Variants in EEFSEC observed in about 807,000 individuals in gnomAD.
EEFSEC encodes the protein selenocysteine-specific elongation factor.
In EEFSEC, 43 loss-of-function variants were observed where a neutral mutation model predicts 42.1. That is an observed-to-expected ratio of 1.02 (90% CI 0.80 to 1.32). EEFSEC has a LOEUF of 1.32. EEFSEC is among the 40% of genes most tolerant of loss of function. EEFSEC has a pLI of 0.00. For missense variants in EEFSEC, 745 were observed against 803.6 expected, an observed-to-expected ratio of 0.93 and a Z score of 0.88; for synonymous variants, 354 against 339.1, an observed-to-expected ratio of 1.04 and a Z score of -0.48.
chr3:128,189,884 A>T (rs1207116874), intron 1 of EEFSEC, among the ~76,000 whole-genome samples: 2 of 151,314 alleles, frequency 1.3e-5, no homozygotes, highest in African/African-American at 4.9e-5. Context: ...TTTTTTGGAG[A>T]TGGAGTCTCG....
At chr3:128,357,495 G>A (rs929145993) in intron 5 of EEFSEC, among the ~76,000 whole-genome samples, 1 of 152,256 alleles carries the variant, frequency 6.6e-6, no homozygotes, top group African/African-American at 2.4e-5. Flanking sequence ...TGGACTGAGG[G>A]AGGGTGTCAT....
At chr3:128,215,745 A>G (rs893440695) in intron 1 of EEFSEC, among the ~76,000 whole-genome samples, 3 of 151,996 alleles carry the variant, frequency 2.0e-5, no homozygotes, top group African/African-American at 7.3e-5. Context: ...ACACTGCCCC[A>G]TTTTCCAGAT....
intron 6 of EEFSEC, among the ~76,000 whole-genome samples, chr3:128,366,247 G>A (rs1108313): frequency 0.34 from 52,481 of 152,218 alleles, 11,068 homozygotes; most frequent in Non-Finnish European, 0.46. Flanking sequence ...CAGGGGCATT[G>A]GTCCATATGG....
intron 1 of EEFSEC, among the ~76,000 whole-genome samples, chr3:128,154,814 A>G (rs759607703): frequency 7.6e-4 from 115 of 152,250 alleles, no homozygotes; most frequent in Non-Finnish European, 1.5e-3. Flanking sequence ...GTATTTACAA[A>G]CCATTTTGCA....
chr3:128,220,984 C>G (rs117539193), intron 1 of EEFSEC, among the ~76,000 whole-genome samples: 1 of 152,238 alleles, frequency 6.6e-6, no homozygotes, highest in Non-Finnish European at 1.5e-5. Flanking sequence ...AGTGAATTCT[C>G]GTTACTCTCA....
intron 4 of EEFSEC, among the ~76,000 whole-genome samples, chr3:128,318,581 C>T (rs1314730861): frequency 6.6e-6 from 1 of 152,226 alleles, no homozygotes; most frequent in Non-Finnish European, 1.5e-5. Context: ...GCGGGCCCCT[C>T]CCTAACCTCT....
intron 4 of EEFSEC, among the ~76,000 whole-genome samples, chr3:128,284,235 T>C (rs2066559660): frequency 6.6e-6 from 1 of 152,220 alleles, no homozygotes; most frequent in Admixed American, 6.5e-5. Flanking sequence ...TGGGAATCTT[T>C]CTAAAACGTA....
chr3:128,365,078 C>T (rs2067573725), intron 6 of EEFSEC, among the ~76,000 whole-genome samples: 1 of 152,240 alleles, frequency 6.6e-6, no homozygotes, highest in Admixed American at 6.5e-5. Context: ...TAGCCCGTGG[C>T]CCCTGTGCTG....
intron 6 of EEFSEC, among the ~76,000 whole-genome samples, chr3:128,399,867 C>T (rs987544344): frequency 5.9e-5 from 9 of 152,094 alleles, no homozygotes; most frequent in Non-Finnish European, 1.2e-4. Context: ...CCTCCGGGCC[C>T]GGGCTGCCCT....
chr3:128,368,451 A>C (rs1392368114), intron 6 of EEFSEC, among the ~76,000 whole-genome samples: 2 of 151,950 alleles, frequency 1.3e-5, no homozygotes, highest in Non-Finnish European at 2.9e-5. Context: ...AAACAAAAAA[A>C]AAAAAACAAA....
At chr3:128,379,035 G>T (rs1223942175) in intron 6 of EEFSEC, among the ~76,000 whole-genome samples, 1 of 152,220 alleles carries the variant, frequency 6.6e-6, no homozygotes, top group African/African-American at 2.4e-5. Flanking sequence ...CTGTAAAAAT[G>T]AAAACAAACC....
chr3:128,262,136 G>C lies in EEFSEC; in HGVS notation c.533G>C (p.Gly178Ala). ...QKTLENTKFR[G>A]APIIPVAAKP... Reference sequence around the variant, plus strand: ...CTTATTTTCCATTTCAGGTTCCGAGGTGCACCGATTATACCCGTGGCGGCC... The same window carrying C: ...CTTATTTTCCATTTCAGGTTCCGAGCTGCACCGATTATACCCGTGGCGGCC... Residue 178 changes from glycine (G) to alanine (A), a missense_variant, in exon 3 of 7, where the codon GGT becomes GCT. Gly to Ala is a moderately conservative substitution (Grantham distance 60). Transcript: ENST00000254730. 6.2e-7 allele frequency: 1 copy of C among 1,614,076 alleles called. No individual in the cohort carries two copies. Among genetic ancestry groups the C allele is most frequent in the Non-Finnish European group, 8.5e-7 (1 of 1,180,006 alleles).
chr3:128,222,230 G>A (rs181818730), intron 1 of EEFSEC, among the ~76,000 whole-genome samples: 8 of 152,056 alleles, frequency 5.3e-5, no homozygotes, highest in East Asian at 1.9e-4. Context: ...ATGGGGTTTC[G>A]CCATGTTGGC....
intron 4 of EEFSEC, among the ~76,000 whole-genome samples, chr3:128,319,190 C>A (rs2066980798): frequency 6.6e-6 from 1 of 152,208 alleles, no homozygotes. Context: ...ACCCCTTGTC[C>A]CATTTTCTGT....
chr3:128,318,044 A>G (rs1437080847), intron 4 of EEFSEC, among the ~76,000 whole-genome samples: 2 of 152,192 alleles, frequency 1.3e-5, no homozygotes, highest in Non-Finnish European at 2.9e-5. Context: ...TAGACATGGC[A>G]TAGTACAGGG....
chr3:128,304,761 TG>T (rs2066808395), intron 4 of EEFSEC, among the ~76,000 whole-genome samples: 1 of 152,106 alleles, frequency 6.6e-6, no homozygotes, highest in East Asian at 1.9e-4. Context: ...TGGAATGCAA[TG>T]GTGCGTTCAG....
At chr3:128,348,283 T>TGTGTGTGCGTGTGTGTGTGC in intron 5 of EEFSEC, among the ~76,000 whole-genome samples, 1 of 125,834 alleles carries the variant, frequency 7.9e-6, no homozygotes, top group Non-Finnish European at 1.6e-5. Flanking sequence ...TGTGCGTGTG[T>TGTGTGTGCGTGTGTGTGTGC]GTGTGTGTGC....
At chr3:128,297,669 G>C (rs560612321) in intron 4 of EEFSEC, among the ~76,000 whole-genome samples, 8 of 152,210 alleles carry the variant, frequency 5.3e-5, no homozygotes, top group Admixed American at 1.3e-4. Context: ...GTCTTGTGCA[G>C]CCTGCCCTTG....
At chr3:128,190,044 G>A (rs1430945310) in intron 1 of EEFSEC, among the ~76,000 whole-genome samples, 2 of 152,060 alleles carry the variant, frequency 1.3e-5, no homozygotes, top group Non-Finnish European at 2.9e-5. Flanking sequence ...CTGTATTTTA[G>A]TAGAGACGGG....
Sources: allele counts gnomAD v4.1 joint callset (sites outside exome capture counted in the v4.1 genomes callset), GRCh38; gene constraint gnomAD v4.1.1; transcripts MANE v1.5; gene names NCBI Gene and HGNC (gene_info 2026-07-23, HGNC 2026-07-21).